FIRRM: variants seen among roughly 807,000 people sequenced by gnomAD.
The protein encoded by FIRRM is FIGNL1 interacting regulator of recombination and mitosis, also known as FIGNL1-interacting regulator of recombination and mitosis.
the FIRRM span, chr1:169,794,981 C>A: frequency 1.3e-6 from 1 of 750,988 alleles, no homozygotes; most frequent in South Asian, 1.7e-5. Flanking sequence ...CACCAAGAAA[C>A]CAGCCGCCCT....
the FIRRM span, among the ~76,000 whole-genome samples, chr1:169,840,954 C>CT: frequency 6.6e-6 from 1 of 152,070 alleles, no homozygotes; most frequent in Non-Finnish European, 1.5e-5. Flanking sequence ...TTTTCTCTTG[C>CT]TTATTGCTCT....
chr1:169,847,678 T>G, the FIRRM span: 1 of 1,578,180 alleles, frequency 6.3e-7, no homozygotes. Flanking sequence ...TCTTTGGTCT[T>G]CACCTCTGTA....
the FIRRM span, among the ~76,000 whole-genome samples, chr1:169,806,466 A>G: frequency 2.6e-5 from 4 of 152,218 alleles, no homozygotes; most frequent in Non-Finnish European, 4.4e-5. Flanking sequence ...TTCATTAGGT[A>G]CTTTTAAGTT....
At chr1:169,806,759 T>C in the FIRRM span, among the ~76,000 whole-genome samples, 1 of 152,248 alleles carries the variant, frequency 6.6e-6, no homozygotes. Context: ...CACATGTGCT[T>C]AAATCCATTC....
chr1:169,818,637 C>T, the FIRRM span, among the ~76,000 whole-genome samples: 1 of 152,130 alleles, frequency 6.6e-6, no homozygotes, highest in Non-Finnish European at 1.5e-5. Context: ...TATAAATATA[C>T]AGAAGAAGAG....
At chr1:169,831,939 G>A in the FIRRM span, among the ~76,000 whole-genome samples, 1 of 152,076 alleles carries the variant, frequency 6.6e-6, no homozygotes, top group East Asian at 1.9e-4. Context: ...AAAACTTTTT[G>A]TGGATATGGA....
the FIRRM span, chr1:169,836,945 T>A: frequency 6.2e-7 from 1 of 1,610,742 alleles, no homozygotes; most frequent in East Asian, 2.2e-5. Flanking sequence ...TATCCAGAAA[T>A]TTTCCCCAAA....
chr1:169,784,587 C>G, the FIRRM span, among the ~76,000 whole-genome samples: 1 of 152,106 alleles, frequency 6.6e-6, no homozygotes, highest in Non-Finnish European at 1.5e-5. Flanking sequence ...TTCTCTTTTT[C>G]TGAGAAGGCT....
the FIRRM span, among the ~76,000 whole-genome samples, chr1:169,802,215 G>A: frequency 7.7e-4 from 117 of 152,264 alleles, no homozygotes; most frequent in African/African-American, 2.8e-3. Flanking sequence ...GTGAATAGGC[G>A]ATTCAGTGCA....
At chr1:169,785,578 AGCCTCTCGACGTTCAGAT>A in the FIRRM span, among the ~76,000 whole-genome samples, 1 of 152,250 alleles carries the variant, frequency 6.6e-6, no homozygotes, top group Non-Finnish European at 1.5e-5. Flanking sequence ...AGTCGTCCCC[AGCCTCTCGACGTTCAGAT>A]GCTCCTCTTC....
At chr1:169,843,609 A>C in the FIRRM span, 2 of 927,742 alleles carry the variant, frequency 2.2e-6, no homozygotes, top group African/African-American at 3.3e-5. Flanking sequence ...TGCTCAATAA[A>C]AGCTTGCTAT....
the FIRRM span, chr1:169,830,832 G>A: frequency 9.9e-6 from 12 of 1,210,114 alleles, no homozygotes; most frequent in Admixed American, 1.7e-5. Flanking sequence ...GTGAATATCG[G>A]CGGGAGAAAT....
chr1:169,805,467 C>G, the FIRRM span, among the ~76,000 whole-genome samples: 1 of 152,160 alleles, frequency 6.6e-6, no homozygotes, highest in Non-Finnish European at 1.5e-5. Flanking sequence ...CAAGTTTCTG[C>G]TTGCCTTAAT....
At chr1:169,789,629 A>G in the FIRRM span, among the ~76,000 whole-genome samples, 3 of 152,228 alleles carry the variant, frequency 2.0e-5, no homozygotes, top group Non-Finnish European at 4.4e-5. Flanking sequence ...ATCCTAAATA[A>G]TCTGCAACCA....
chr1:169,833,840 AC>A, the FIRRM span, among the ~76,000 whole-genome samples: 36 of 134,968 alleles, frequency 2.7e-4, no homozygotes, highest in Middle Eastern at 4.2e-3. Flanking sequence ...TAAGAAAGTC[AC>A]TTTCCTTTTT....
the FIRRM span, among the ~76,000 whole-genome samples, chr1:169,838,095 G>A: frequency 6.6e-6 from 1 of 151,952 alleles, no homozygotes; most frequent in Non-Finnish European, 1.5e-5. Context: ...CCACCACCAT[G>A]CCCAGCTAAT....
chr1:169,821,982 G>A, the FIRRM span, among the ~76,000 whole-genome samples: 6 of 152,050 alleles, frequency 3.9e-5, no homozygotes, highest in African/African-American at 1.4e-4. Context: ...AGTTTTTATT[G>A]TATTATAAGA....
At chr1:169,849,627 A>C in the FIRRM span, 11 of 1,521,560 alleles carry the variant, frequency 7.2e-6, no homozygotes, top group South Asian at 1.1e-4. Flanking sequence ...CTGATTTATC[A>C]CAGTGACTTT....
chr1:169,829,591 G>C, the FIRRM span: 58,053 of 735,422 alleles, frequency 0.079, 2,691 homozygotes, highest in Middle Eastern at 0.095. Context: ...CTAGAAAATG[G>C]TAATCCCAGA....
Sources: allele counts gnomAD v4.1 joint callset (sites outside exome capture counted in the v4.1 genomes callset), GRCh38; gene constraint gnomAD v4.1.1; transcripts MANE v1.5; gene names NCBI Gene and HGNC (gene_info 2026-07-23, HGNC 2026-07-21).